Variants in ARMH1 observed in about 807,000 individuals in gnomAD.
ARMH1 encodes the protein armadillo like helical domain containing 1.
In ARMH1, 34 loss-of-function variants were observed where a neutral mutation model predicts 50.2. The observed-to-expected ratio is 0.68, with a 90% CI of 0.51 to 0.90. ARMH1 has a LOEUF of 0.90. Among genes scored for constraint, ARMH1 ranks in the 40% least tolerant of loss-of-function variants. ARMH1 has a pLI of 0.00. For missense variants in ARMH1, 538 were observed against 553.9 expected (o/e 0.97, Z 0.29); for synonymous variants, 221 against 224.2 (o/e 0.99, Z 0.13).
At chr1:44,691,455 C>T (rs1455815646) in intron 2 of ARMH1, among the ~76,000 whole-genome samples, 1 of 152,110 alleles carries the variant, frequency 6.6e-6, no homozygotes, top group Non-Finnish European at 1.5e-5. Flanking sequence ...GGTGACCTCT[C>T]AGTGGCATTT....
Position 44,724,062 on chromosome 1 carries a change from T to C in ARMH1, c.725-60T>C. 1 of 1,525,588 alleles carries C rather than the reference T, an allele frequency of 6.6e-7. No homozygotes were observed. Among genetic ancestry groups the C allele is most frequent in the Non-Finnish European group, 8.8e-7 (1 of 1,133,018 alleles). The allele number at this position is 1,525,588 out of a possible 1,614,324, so 94.5% of individuals were successfully genotyped here. A position where few individuals can be genotyped will look rare whatever the true frequency, so the allele number is the denominator to read the frequency against. On this transcript the variant is annotated intron_variant, in intron 6 of 11. Coordinates refer to ENST00000535358, the MANE Select transcript of ARMH1 (RefSeq NM_001145636.2). The surrounding 1 kb of genome is among the most constrained non-coding windows in gnomAD (Gnocchi z 6.4). Reference sequence around the variant, plus strand: ...GTGGCGACTTGGTTCACGGGGTTCTTTGCTTCCTCGGTGGCGGAGGGGCCT... The same window carrying C: ...GTGGCGACTTGGTTCACGGGGTTCTCTGCTTCCTCGGTGGCGGAGGGGCCT...
At chr1:44,710,469 C>T (rs1057026972) in intron 6 of ARMH1, among the ~76,000 whole-genome samples, 4 of 151,820 alleles carry the variant, frequency 2.6e-5, no homozygotes, top group African/African-American at 4.8e-5. Context: ...ATTAGCCGGG[C>T]GTGGTGGTGG....
intron 6 of ARMH1, among the ~76,000 whole-genome samples, chr1:44,712,781 A>G (rs1646673763): frequency 6.7e-6 from 1 of 149,452 alleles, no homozygotes; most frequent in Non-Finnish European, 1.5e-5. Context: ...CTCCTGCCTC[A>G]GCCTCCCAAG....
At chr1:44,696,235 C>A (rs1334539571) in intron 2 of ARMH1, among the ~76,000 whole-genome samples, 1 of 152,246 alleles carries the variant, frequency 6.6e-6, no homozygotes, top group Admixed American at 6.5e-5. Flanking sequence ...CTTCTATTGG[C>A]ATCCTGGGAA....
At position 44,702,019 on chromosome 1, in the gene ARMH1, C is replaced by T. The variant is rs560081437; in HGVS notation, c.639+900C>T. Among the ~76,000 whole-genome samples the T allele has an allele frequency of 2.3e-4, 35 of 151,830 alleles. No homozygotes were observed. In the East Asian group the frequency reaches 6.6e-3, roughly 29 times the overall value. On this transcript the variant is annotated intron_variant, in intron 5 of 11. Coordinates refer to ENST00000535358, the MANE Select transcript of ARMH1 (RefSeq NM_001145636.2). ...GCTCGGGAGGCTGTGGTGGGAGGAT[C>T]GTGTGAGCCCAGGAGTTCGAGGCTG...
intron 4 of ARMH1, 68 bp from the exon 5 acceptor site, chr1:44,700,855 T>C (rs1646052055): frequency 7.4e-7 from 1 of 1,354,994 alleles, no homozygotes. Context: ...ATTCATATTA[T>C]ATAATCTTGA....
At position 44,724,767 on chromosome 1, in the gene ARMH1, C is replaced by G; in HGVS notation, c.1056C>G (p.Phe352Leu). The G allele has an allele frequency of 1.3e-6, 2 of 1,543,348 alleles. No individual in the cohort carries two copies. Among genetic ancestry groups the G allele is most frequent in the African/African-American group, 1.4e-5 (1 of 73,106 alleles). ...GCCTCGCCCGCGCGGCGCAGTGCTTCGTGCAGATGTTCCCCTTGGTGGCGG... is the reference window on the plus strand; with the variant it reads ...GCCTCGCCCGCGCGGCGCAGTGCTTGGTGCAGATGTTCCCCTTGGTGGCGG... ...QRLASLTLEC[F>L]VQMFPLVAEH... The change falls in exon 10 of 12, where the codon TTC (phenylalanine) becomes TTG (leucine). Residue 352 changes from phenylalanine (F) to leucine (L), a missense_variant. Coordinates refer to ENST00000535358, the MANE Select transcript of ARMH1 (RefSeq NM_001145636.2). The surrounding 1 kb of genome is among the most constrained non-coding windows in gnomAD (Gnocchi z 6.4).
At chr1:44,702,725 A>AG (rs1277325024) in intron 5 of ARMH1, among the ~76,000 whole-genome samples, 24 of 150,852 alleles carry the variant, frequency 1.6e-4, no homozygotes, top group South Asian at 1.5e-3. Context: ...AAAAAAAAAA[A>AG]AAAGAAAAGA....
At chr1:44,707,782 C>T (rs1297204614) in intron 6 of ARMH1, among the ~76,000 whole-genome samples, 1 of 152,206 alleles carries the variant, frequency 6.6e-6, no homozygotes, top group Non-Finnish European at 1.5e-5. Flanking sequence ...CAGCTTCTTC[C>T]AATATCGGCC....
At chr1:44,708,382 T>A (rs186873971) in intron 6 of ARMH1, among the ~76,000 whole-genome samples, 2 of 152,344 alleles carry the variant, frequency 1.3e-5, no homozygotes, top group Non-Finnish European at 2.9e-5. Flanking sequence ...CAGGGACTGA[T>A]CTCAAAAGGG....
intron 6 of ARMH1, among the ~76,000 whole-genome samples, chr1:44,722,275 G>A (rs1162713066): frequency 1.3e-5 from 2 of 152,092 alleles, no homozygotes; most frequent in Admixed American, 6.6e-5. Context: ...AGCAGTGCCC[G>A]GTGCACAGTG....
In ARMH1 at chr1:44,703,989, G is replaced by T. The variant is rs552011511; in HGVS notation, c.640-100G>T. Reference sequence around the variant, plus strand: ...GATCTGCCCACCTCGGCCTCCTAAAGTGCTGGGATTACAGGCGTGAGCCAC... The same window carrying T: ...GATCTGCCCACCTCGGCCTCCTAAATTGCTGGGATTACAGGCGTGAGCCAC... On this transcript the variant is annotated intron_variant, in intron 5 of 11. Transcript: ENST00000535358. 1.0e-5 allele frequency: 9 copies of T among 885,864 alleles called. No individual in the cohort carries two copies. The East Asian group carries it at 2.3e-4, about 22-fold the overall frequency. 54.9% of individuals were successfully genotyped at this position (885,864 alleles called of 1,614,324 possible).
intron 4 of ARMH1, among the ~76,000 whole-genome samples, chr1:44,698,918 C>T (rs1294512735): frequency 1.3e-5 from 2 of 151,844 alleles, no homozygotes; most frequent in African/African-American, 4.8e-5. Flanking sequence ...GAGGCCAAGG[C>T]GAGTGGATCA....
intron 6 of ARMH1, among the ~76,000 whole-genome samples, chr1:44,711,711 G>A (rs550375706): frequency 6.6e-6 from 1 of 152,256 alleles, no homozygotes; most frequent in South Asian, 2.1e-4. Flanking sequence ...GGCACTGAGA[G>A]TATAGTGACA....
At chr1:44,684,152 C>T (rs776041904) in intron 1 of ARMH1, among the ~76,000 whole-genome samples, 9 of 152,198 alleles carry the variant, frequency 5.9e-5, no homozygotes, top group African/African-American at 1.4e-4. Context: ...TTTTCCTTAG[C>T]GGTCAACAAG....
chr1:44,680,569 A>G (rs1645274841), intron 1 of ARMH1, among the ~76,000 whole-genome samples: 1 of 152,228 alleles, frequency 6.6e-6, no homozygotes, highest in African/African-American at 2.4e-5. Flanking sequence ...GGGTGAAGCA[A>G]GTAGGAAGGG....
In ARMH1 at chr1:44,708,761, C is replaced by A. The variant is rs529924704; in HGVS notation, c.724+4588C>A. 9.2e-5 allele frequency among the ~76,000 whole-genome samples: 14 copies of A among 152,254 alleles called. No homozygotes were observed. In the South Asian group the frequency reaches 2.9e-3, roughly 32 times the overall value. Reference sequence around the variant, plus strand: ...ACGCTACCTTCCCCCACCAACCTGCCTGACCAGTGAGTCAGGTTAGCCACG... The same window carrying A: ...ACGCTACCTTCCCCCACCAACCTGCATGACCAGTGAGTCAGGTTAGCCACG... On this transcript the variant is annotated intron_variant, in intron 6 of 11. Coordinates refer to ENST00000535358, the MANE Select transcript of ARMH1 (RefSeq NM_001145636.2).
chr1:44,703,560 TA>T lies in ARMH1; in HGVS notation c.640-510del, dbSNP rs1186744272. Among the ~76,000 whole-genome samples, 649 of 107,026 alleles carry T rather than the reference TA, an allele frequency of 6.1e-3. 5 individuals are homozygous for T. Among genetic ancestry groups the T allele is most frequent in the African/African-American group, 0.012 (346 of 28,388 alleles). The allele number at this position is 107,026 out of a possible 152,430, so 70.2% of individuals were successfully genotyped here. ...CAACATGGGGAAACTCCGTCTCTAC[TA>T]AAAAAAAAAAAAAAAAAATTAGCTG... On this transcript the variant is annotated intron_variant, in intron 5 of 11. Coordinates refer to ENST00000535358, the MANE Select transcript of ARMH1 (RefSeq NM_001145636.2).
chr1:44,724,835 T>A lies in ARMH1; in HGVS notation c.1124T>A (p.Phe375Tyr), dbSNP rs1348877327. 6.5e-7 allele frequency: 1 copy of A among 1,538,704 alleles called. No individual in the cohort carries two copies. Among genetic ancestry groups the A allele is most frequent in the Non-Finnish European group, 8.7e-7 (1 of 1,145,550 alleles). The change falls in exon 10 of 12, where the codon TTC (phenylalanine) becomes TAC (tyrosine). Residue 375 changes from phenylalanine (F) to tyrosine (Y), a missense_variant. By Grantham distance (22) the Phe-to-Tyr change is conservative (BLOSUM62 3). Coordinates refer to ENST00000535358, the MANE Select transcript of ARMH1 (RefSeq NM_001145636.2). The surrounding 1 kb of genome is among the most constrained non-coding windows in gnomAD (Gnocchi z 6.4). ...KCMGEELYQL[F>Y]LSNAEDLYMK... is the part of the protein sequence containing the mutation. Reference sequence around the variant, plus strand: ...ATGGGGGAGGAACTCTACCAGCTCTTCCTGGTAAGTGCGCCCTTCCTGCCC... The same window carrying A: ...ATGGGGGAGGAACTCTACCAGCTCTACCTGGTAAGTGCGCCCTTCCTGCCC...
Sources: allele counts gnomAD v4.1 joint callset (sites outside exome capture counted in the v4.1 genomes callset), GRCh38; gene constraint gnomAD v4.1.1; non-coding constraint Gnocchi (gnomAD v3.1); transcripts MANE v1.5; gene names NCBI Gene and HGNC (gene_info 2026-07-23, HGNC 2026-07-21).